The following EPHB1 variants were observed in gnomAD, a reference collection of about 807,000 sequenced individuals.
The protein encoded by EPHB1 is ephrin type-B receptor 1.
Under a neutral mutation model 94.4 loss-of-function variants are expected in EPHB1, and 30 were observed. The observed-to-expected ratio is 0.32, with a 90% CI of 0.24 to 0.43. EPHB1 has a LOEUF of 0.43. Ranked by LOEUF, EPHB1 falls within the 20% of genes least tolerant of loss-of-function variation. The pLI, the probability that EPHB1 is intolerant of heterozygous loss-of-function variation, is 1.00. For missense variants in EPHB1, 1,055 were observed against 1,308.3 expected, an observed-to-expected ratio of 0.81 and a Z score of 2.99; for synonymous variants, 522 against 489.1, an observed-to-expected ratio of 1.07 and a Z score of -0.89.
At chr3:135,123,693 T>TGC (rs1940075543) in intron 4 of EPHB1, among the ~76,000 whole-genome samples, 1 of 151,996 alleles carries the variant, frequency 6.6e-6, no homozygotes, top group African/African-American at 2.4e-5. Flanking sequence ...CTTTGTTTTC[T>TGC]TATTGTTAAG....
rs539515205 is a variant in EPHB1 at position 135,128,580 on chromosome 3, A to C, written c.962-4134A>C. Among the ~76,000 whole-genome samples the C allele has an allele frequency of 8.7e-4, 132 of 152,178 alleles. 1 individual carries two copies. The highest frequency in any genetic ancestry group is 2.6e-4 in the Non-Finnish European group (18 of 67,998). ...CGGGCCTCATGGGAATAAGAGACAGACAGAACCCAGCATTGTTAGGAGGCC... is the reference window on the plus strand; with the variant it reads ...CGGGCCTCATGGGAATAAGAGACAGCCAGAACCCAGCATTGTTAGGAGGCC... On this transcript the variant is annotated intron_variant, in intron 4 of 15. Transcript: ENST00000398015.
intron 1 of EPHB1, among the ~76,000 whole-genome samples, chr3:134,804,574 G>A (rs2036000696): frequency 6.6e-6 from 1 of 152,184 alleles, no homozygotes; most frequent in East Asian, 1.9e-4. Flanking sequence ...GGAGGAATCA[G>A]GGCACAGCGC....
At chr3:135,016,599 C>A (rs901791001) in intron 3 of EPHB1, among the ~76,000 whole-genome samples, 1 of 152,178 alleles carries the variant, frequency 6.6e-6, no homozygotes, top group Non-Finnish European at 1.5e-5. Context: ...GCAAGAAATG[C>A]CAGTTGCCTT....
rs144515365 is a variant in EPHB1, at chr3:134,860,963, G to A, written c.59-64853G>A. Among the ~76,000 whole-genome samples, 234 of 152,232 alleles carry A rather than the reference G, an allele frequency of 1.5e-3. 2 individuals are homozygous for A. The highest frequency in any genetic ancestry group is 1.9e-3 in the African/African-American group (78 of 41,540). On this transcript the variant is annotated intron_variant, in intron 1 of 15. Transcript: ENST00000398015. ...TTTCATTTGCACGTGTTTGCTGCAC[G>A]TTTTGTTTTACTATGTGTGCTTCTC...
intron 11 of EPHB1, among the ~76,000 whole-genome samples, chr3:135,196,552 T>C (rs2107711397): frequency 6.6e-6 from 1 of 152,288 alleles, no homozygotes; most frequent in East Asian, 1.9e-4. Context: ...TACCGAACCC[T>C]GGAGCATAGC....
chr3:135,067,119 G>A (rs1178197362), intron 3 of EPHB1, among the ~76,000 whole-genome samples: 4 of 152,202 alleles, frequency 2.6e-5, no homozygotes, highest in Non-Finnish European at 4.4e-5. Flanking sequence ...GACTCTGTGA[G>A]GGTTCTTAGC....
At chr3:135,241,355 G>C (rs1943778985) in intron 13 of EPHB1, 58 bp downstream of exon 13, 1 of 1,601,072 alleles carries the variant, frequency 6.2e-7, no homozygotes, top group African/African-American at 1.3e-5. Flanking sequence ...CCCAAAGGCA[G>C]TAGCATACCA....
At chr3:135,241,092 C>T in intron 12 of EPHB1, 56 bp from the exon 13 acceptor site, 1 of 1,610,968 alleles carries the variant, frequency 6.2e-7, no homozygotes, top group Non-Finnish European at 8.5e-7. Context: ...TTTTTATTGC[C>T]TGCCTTCAAT....
intron 4 of EPHB1, among the ~76,000 whole-genome samples, chr3:135,128,847 A>G (rs1399881025): frequency 1.3e-5 from 2 of 152,084 alleles, no homozygotes; most frequent in African/African-American, 4.8e-5. Flanking sequence ...TTTGTGGCCC[A>G]GATTCTGTTC....
intron 3 of EPHB1, among the ~76,000 whole-genome samples, chr3:135,039,677 A>G (rs1197321757): frequency 6.6e-6 from 1 of 152,194 alleles, no homozygotes; most frequent in African/African-American, 2.4e-5. Flanking sequence ...CCCGGCTGCT[A>G]AGTCCCCCCT....
At chr3:135,032,106 A>G (rs1936491737) in intron 3 of EPHB1, among the ~76,000 whole-genome samples, 1 of 152,006 alleles carries the variant, frequency 6.6e-6, no homozygotes, top group East Asian at 1.9e-4. Context: ...CTGCACAGAT[A>G]TTTCAGTCTG....
intron 3 of EPHB1, among the ~76,000 whole-genome samples, chr3:134,973,988 A>G (rs1302710652): frequency 2.0e-5 from 3 of 152,156 alleles, no homozygotes; most frequent in African/African-American, 7.2e-5. Context: ...GAGAGGACCC[A>G]AAGGCCAGCA....
At chr3:135,159,937 TCATCCATGTGG>T (rs1485429263) in intron 6 of EPHB1, among the ~76,000 whole-genome samples, 14 of 152,196 alleles carry the variant, frequency 9.2e-5, no homozygotes, top group Non-Finnish European at 1.8e-4. Flanking sequence ...CTCTCCACAT[TCATCCATGTGG>T]CTAATTTATT....
chr3:135,210,746 G>T (rs1174146971), intron 12 of EPHB1, among the ~76,000 whole-genome samples: 3 of 152,196 alleles, frequency 2.0e-5, no homozygotes, highest in Non-Finnish European at 4.4e-5. Flanking sequence ...TGAGTCCAAT[G>T]CTCAGGACAC....
intron 1 of EPHB1, among the ~76,000 whole-genome samples, chr3:134,881,632 A>G (rs2037732792): frequency 1.3e-5 from 2 of 152,226 alleles, no homozygotes; most frequent in Admixed American, 1.3e-4. Context: ...GGCAAGACTT[A>G]CAAGAGAAAG....
chr3:135,242,983 C>G (rs1260858577), intron 13 of EPHB1, among the ~76,000 whole-genome samples: 1 of 147,970 alleles, frequency 6.8e-6, no homozygotes. Flanking sequence ...GACTGAGGCA[C>G]GAAAATTGCT....
intron 7 of EPHB1, among the ~76,000 whole-genome samples, chr3:135,164,806 C>CAAAAAAA (rs59870139): frequency 1.2e-5 from 1 of 86,372 alleles, no homozygotes; most frequent in Non-Finnish European, 2.2e-5. Flanking sequence ...AAGACTGTCT[C>CAAAAAAA]AAAAAAAAAA....
chr3:135,096,714 C>T (rs986271896), intron 3 of EPHB1, among the ~76,000 whole-genome samples: 11 of 152,308 alleles, frequency 7.2e-5, no homozygotes, highest in East Asian at 1.9e-4. Context: ...AAAGCTCTCT[C>T]GTATTTCTTC....
chr3:135,255,783 C>T (rs1321088732), intron 15 of EPHB1, among the ~76,000 whole-genome samples: 1 of 146,856 alleles, frequency 6.8e-6, no homozygotes, highest in Non-Finnish European at 1.5e-5. Flanking sequence ...TGTTGACTTT[C>T]TGTCTCATTG....
Sources: allele counts gnomAD v4.1 joint callset (sites outside exome capture counted in the v4.1 genomes callset), GRCh38; gene constraint gnomAD v4.1.1; transcripts MANE v1.5; gene names NCBI Gene and HGNC (gene_info 2026-07-23, HGNC 2026-07-21).